Variants in TAOK3 observed in about 807,000 individuals in gnomAD.
The protein encoded by TAOK3 is serine/threonine-protein kinase TAO3.
Under a neutral mutation model 120.4 loss-of-function variants are expected in TAOK3, and 40 were observed. That is an observed-to-expected ratio of 0.33 (90% confidence interval 0.26 to 0.43). TAOK3 has a LOEUF of 0.43. TAOK3 is among the 20% of genes least tolerant of loss of function. TAOK3 has a pLI of 1.00. For missense variants in TAOK3, 821 were observed against 1,112.1 expected (o/e 0.74, Z 3.72); for synonymous variants, 355 against 387.5 (o/e 0.92, Z 0.99).
At position 118,302,411 on chromosome 12, in the gene TAOK3, T is replaced by C. The variant is rs977990283; in HGVS notation, c.-193-35652A>G. On this transcript the variant is annotated intron_variant, in intron 1 of 20. Transcript: ENST00000392533. ...TGCAAGATTATCTGTGTTTGAATTT[T>C]GCTTCTGCCTCTGACTTGTGGTATT... Among the ~76,000 whole-genome samples the C allele has an allele frequency of 3.9e-5, 6 of 152,240 alleles. No individual in the cohort carries two copies. The East Asian group carries it at 9.6e-4, about 24-fold the overall frequency.
intron 17 of TAOK3, among the ~76,000 whole-genome samples, chr12:118,163,683 A>G (rs2035381489): frequency 6.6e-6 from 1 of 151,830 alleles, no homozygotes; most frequent in South Asian, 2.1e-4. Flanking sequence ...ATTTTATGCT[A>G]TAAGATTTCT....
At chr12:118,265,402 A>G (rs1418312793) in intron 2 of TAOK3, among the ~76,000 whole-genome samples, 1 of 151,582 alleles carries the variant, frequency 6.6e-6, no homozygotes, top group Admixed American at 6.6e-5. Flanking sequence ...AAGAAAAAAA[A>G]AAAAAAAAAA....
chr12:118,218,887 A>T (rs913961926), intron 9 of TAOK3, among the ~76,000 whole-genome samples: 5 of 151,910 alleles, frequency 3.3e-5, no homozygotes, highest in Non-Finnish European at 7.4e-5. Context: ...TGGGAGGTGG[A>T]GGTTGCAGTG....
At chr12:118,249,568 A>T (rs2040660136) in intron 3 of TAOK3, among the ~76,000 whole-genome samples, 1 of 151,844 alleles carries the variant, frequency 6.6e-6, no homozygotes, top group Admixed American at 6.6e-5. Context: ...TCTAAAAAAA[A>T]AAAAAAAAAA....
intron 17 of TAOK3, among the ~76,000 whole-genome samples, chr12:118,172,166 T>A (rs919821481): frequency 3.3e-5 from 5 of 152,214 alleles, no homozygotes; most frequent in African/African-American, 9.7e-5. Context: ...AAATTCTCGA[T>A]TCTACTTCTT....
intron 17 of TAOK3, among the ~76,000 whole-genome samples, chr12:118,167,145 T>C (rs74412085): frequency 0.03 from 4,496 of 152,176 alleles, 187 homozygotes; most frequent in African/African-American, 0.092. Flanking sequence ...CAGAAAATGC[T>C]GAGTGTCTGT....
At chr12:118,179,147 G>A (rs766576669) in intron 15 of TAOK3, among the ~76,000 whole-genome samples, 7 of 152,214 alleles carry the variant, frequency 4.6e-5, no homozygotes, top group African/African-American at 7.2e-5. Context: ...ATTGATGGCT[G>A]TTGGGGGAAA....
intron 1 of TAOK3, among the ~76,000 whole-genome samples, chr12:118,348,888 G>A (rs556087655): frequency 8.1e-6 from 1 of 123,182 alleles, no homozygotes; most frequent in Non-Finnish European, 1.7e-5. Context: ...CACTCTTGTT[G>A]CCCGGGTCTC....
At chr12:118,294,181 T>G (rs926150211) in intron 1 of TAOK3, among the ~76,000 whole-genome samples, 5 of 152,186 alleles carry the variant, frequency 3.3e-5, no homozygotes, top group Admixed American at 1.3e-4. Context: ...CCATATAAAA[T>G]GTACAACCTG....
At chr12:118,335,969 C>T (rs2044351781) in intron 1 of TAOK3, among the ~76,000 whole-genome samples, 1 of 152,078 alleles carries the variant, frequency 6.6e-6, no homozygotes, top group African/African-American at 2.4e-5. Context: ...AATGAAGAGA[C>T]ATACCATATT....
chr12:118,338,190 C>A (rs182061287), intron 1 of TAOK3, among the ~76,000 whole-genome samples: 1 of 152,040 alleles, frequency 6.6e-6, no homozygotes, highest in East Asian at 1.9e-4. Context: ...TGGTGGGATG[C>A]GGGTGGGAAG....
chr12:118,245,357 C>T (rs1025698321), intron 3 of TAOK3, among the ~76,000 whole-genome samples: 8 of 151,294 alleles, frequency 5.3e-5, no homozygotes, highest in Non-Finnish European at 8.8e-5. Context: ...CTGTGTTGCT[C>T]ATGCTGGAGT....
At chr12:118,262,461 G>A (rs1029718831) in intron 2 of TAOK3, among the ~76,000 whole-genome samples, 48 of 151,982 alleles carry the variant, frequency 3.2e-4, no homozygotes, top group African/African-American at 1.2e-3. Flanking sequence ...TAGCCGGGGC[G>A]ACAGGGCGAG....
At chr12:118,313,335 G>A (rs1184720687) in intron 1 of TAOK3, among the ~76,000 whole-genome samples, 2 of 151,922 alleles carry the variant, frequency 1.3e-5, no homozygotes, top group Admixed American at 6.6e-5. Flanking sequence ...GGAGTGCAAT[G>A]GCATGATCTT....
At chr12:118,341,688 AT>A (rs144070857) in intron 1 of TAOK3, among the ~76,000 whole-genome samples, 4,537 of 152,198 alleles carry the variant, frequency 0.03, 192 homozygotes, top group African/African-American at 0.094. Context: ...TTTTAATATT[AT>A]TTTTATCAAG....
chr12:118,176,693 A>AAAAT (rs910069829), intron 16 of TAOK3, among the ~76,000 whole-genome samples: 5 of 152,122 alleles, frequency 3.3e-5, no homozygotes, highest in African/African-American at 7.2e-5. Context: ...GTCAGATAAA[A>AAAAT]AAATAAATAA....
At chr12:118,305,900 G>A (rs1337353344) in intron 1 of TAOK3, among the ~76,000 whole-genome samples, 3 of 124,656 alleles carry the variant, frequency 2.4e-5, no homozygotes, top group East Asian at 2.3e-4. Context: ...ACGAGACTCC[G>A]TCTCAAAAAA....
chr12:118,367,641 A>G (rs1033830694), intron 1 of TAOK3, among the ~76,000 whole-genome samples: 6 of 152,190 alleles, frequency 3.9e-5, no homozygotes, highest in Non-Finnish European at 8.8e-5. Flanking sequence ...CACAAATTAA[A>G]TTCCCTATGC....
Position 118,201,423 on chromosome 12 carries a change from A to T in TAOK3, c.860T>A (p.Ile287Asn). 6.2e-7 allele frequency: 1 copy of T among 1,614,062 alleles called. No homozygotes were observed. The highest frequency in any genetic ancestry group is 1.7e-5 in the Admixed American group (1 of 60,012). The stretch of plus-strand genomic sequence containing the variant: ...ATCTTTTGTCCTCTGTATGAGGTCA[A>T]TGAGGACACGTAGTGGCCGGTCTCG... ...VRRDRPLRVL[I>N]DLIQRTKDAV... is the part of the protein sequence containing the mutation. Residue 287 changes from isoleucine to asparagine, a missense_variant, in exon 12 of 21, where the codon ATT becomes AAT. Transcript: ENST00000392533.
Sources: allele counts gnomAD v4.1 joint callset (sites outside exome capture counted in the v4.1 genomes callset), GRCh38; gene constraint gnomAD v4.1.1; transcripts MANE v1.5; gene names NCBI Gene and HGNC (gene_info 2026-07-23, HGNC 2026-07-21).